The following SIL1 variants were observed in gnomAD, a reference collection of about 807,000 sequenced individuals.
The protein encoded by SIL1 is nucleotide exchange factor SIL1.
Under a neutral mutation model 49.1 loss-of-function variants are expected in SIL1, and 40 were observed. That is an observed-to-expected ratio of 0.81 (90% CI 0.63 to 1.06). SIL1 has a LOEUF of 1.06. SIL1 is among the 50% of genes least tolerant of loss of function. The pLI is 0.00. For synonymous variants in SIL1, 253 were observed against 250.8 expected, an observed-to-expected ratio of 1.01 and a Z score of -0.08; for missense variants, 500 against 572.6, an observed-to-expected ratio of 0.87 and a Z score of 1.29.
At chr5:139,158,287 A>C (rs988695726) in intron 1 of SIL1, among the ~76,000 whole-genome samples, 1 of 152,238 alleles carries the variant, frequency 6.6e-6, no homozygotes, top group Non-Finnish European at 1.5e-5. Flanking sequence ...TGTAAGCTAG[A>C]GAAGAACTAA....
chr5:139,045,194 A>C (rs1455536506), intron 4 of SIL1, among the ~76,000 whole-genome samples: 1 of 151,914 alleles, frequency 6.6e-6, no homozygotes, highest in African/African-American at 2.4e-5. Context: ...CTGTCTCTAC[A>C]AAAAAATTGA....
intron 1 of SIL1, among the ~76,000 whole-genome samples, chr5:139,180,388 A>AG (rs1751962181): frequency 6.6e-6 from 1 of 150,418 alleles, no homozygotes; most frequent in Non-Finnish European, 1.5e-5. Context: ...TCTCAAAAAA[A>AG]AAAAAAAAAA....
intron 1 of SIL1, among the ~76,000 whole-genome samples, chr5:139,151,601 G>T (rs1171817667): frequency 2.6e-5 from 4 of 152,158 alleles, no homozygotes; most frequent in Non-Finnish European, 4.4e-5. Flanking sequence ...ATCTAATTTG[G>T]CTTTCATTAG....
At chr5:139,026,548 A>T (rs1768653809) in intron 6 of SIL1, among the ~76,000 whole-genome samples, 1 of 152,226 alleles carries the variant, frequency 6.6e-6, no homozygotes, top group African/African-American at 2.4e-5. Flanking sequence ...GGTTGCAGTG[A>T]GCCGAGATCG....
chr5:139,090,962 A>G (rs898972329), intron 3 of SIL1, among the ~76,000 whole-genome samples: 1 of 152,214 alleles, frequency 6.6e-6, no homozygotes, highest in African/African-American at 2.4e-5. Flanking sequence ...CATACTGAAA[A>G]AGGTAAAAAT....
At chr5:139,037,898 AC>A (rs1318196693) in intron 5 of SIL1, among the ~76,000 whole-genome samples, 2 of 152,192 alleles carry the variant, frequency 1.3e-5, no homozygotes, top group Non-Finnish European at 2.9e-5. Flanking sequence ...TAAACAACAT[AC>A]ATTTATTTCT....
intron 5 of SIL1, chr5:139,034,343 T>C (rs1162343892): frequency 6.6e-6 from 1 of 152,076 alleles, no homozygotes; most frequent in Non-Finnish European, 1.5e-5. Flanking sequence ...GGTAATATTT[T>C]TATATGTTAG....
intron 3 of SIL1, among the ~76,000 whole-genome samples, chr5:139,055,611 T>TCCCTCTCC (rs1166509848): frequency 1.2e-4 from 8 of 66,202 alleles, no homozygotes; most frequent in East Asian, 3.0e-4. Context: ...CCTCTCCCTC[T>TCCCTCTCC]CCCTCTCCCC....
intron 3 of SIL1, among the ~76,000 whole-genome samples, chr5:139,112,496 G>A (rs1304054133): frequency 8.9e-6 from 1 of 112,292 alleles, no homozygotes; most frequent in African/African-American, 3.5e-5. Context: ...GCCCGGCCGC[G>A]ACCCCGTCTG....
chr5:138,997,791 T>C (rs140927619), intron 7 of SIL1, among the ~76,000 whole-genome samples: 1,917 of 152,306 alleles, frequency 0.013, 34 homozygotes, highest in African/African-American at 0.043. Context: ...ACTCCTGACC[T>C]CAAGTGATCC....
chr5:139,055,262 G>T (rs1015051542), intron 3 of SIL1, among the ~76,000 whole-genome samples: 2 of 152,084 alleles, frequency 1.3e-5, no homozygotes, highest in African/African-American at 4.8e-5. Context: ...CCTCATGCTT[G>T]AATTTTGACT....
intron 3 of SIL1, among the ~76,000 whole-genome samples, chr5:139,099,367 G>C (rs752690579): frequency 2.6e-5 from 4 of 152,086 alleles, no homozygotes; most frequent in Non-Finnish European, 5.9e-5. Context: ...AGAATAATTG[G>C]AAGTTCCTCA....
intron 7 of SIL1, chr5:139,012,545 T>C (rs1229759441): frequency 6.6e-6 from 1 of 152,172 alleles, no homozygotes; most frequent in African/African-American, 2.4e-5. Context: ...ACAATACCAT[T>C]TTCACACCAA....
chr5:139,105,591 T>C (rs1283565436), intron 3 of SIL1, among the ~76,000 whole-genome samples: 7 of 152,232 alleles, frequency 4.6e-5, no homozygotes, highest in Admixed American at 3.9e-4. Flanking sequence ...TTATATACCC[T>C]TAGAAAGCTC....
rs1251742878 is a variant in SIL1 at position 139,130,644 on chromosome 5, T to C, written c.-10-2791A>G. Among the ~76,000 whole-genome samples, 5 of 152,100 alleles carry C rather than the reference T, an allele frequency of 3.3e-5. No homozygotes were observed. The South Asian group carries it at 6.2e-4, about 19-fold the overall frequency. On this transcript the variant is annotated intron_variant, in intron 1 of 9. Coordinates refer to ENST00000394817, the MANE Select transcript of SIL1 (RefSeq NM_022464.5). ...ACTCCTAGGCATATCCCCCAAAGAA[T>C]TGAAAACAGGGACTCAAACAGATAT... is the stretch of plus-strand genomic sequence containing the variant.
intron 2 of SIL1, among the ~76,000 whole-genome samples, chr5:139,126,470 T>C (rs1234557105): frequency 6.6e-6 from 1 of 152,150 alleles, no homozygotes; most frequent in East Asian, 1.9e-4. Flanking sequence ...GAGGTACAAG[T>C]TGGGGAGGGG....
At chr5:139,067,066 G>A (rs1265514185) in intron 3 of SIL1, among the ~76,000 whole-genome samples, 1 of 152,164 alleles carries the variant, frequency 6.6e-6, no homozygotes, top group African/African-American at 2.4e-5. Context: ...GGTACATAGC[G>A]AATGTCCATT....
At chr5:139,162,618 A>C (rs1032168624) in intron 1 of SIL1, among the ~76,000 whole-genome samples, 5 of 152,244 alleles carry the variant, frequency 3.3e-5, no homozygotes, top group African/African-American at 1.2e-4. Context: ...TTTAAGGAAC[A>C]AAGCAGTAGG....
chr5:138,972,209 AC>A (rs1368807196), intron 7 of SIL1, among the ~76,000 whole-genome samples: 3 of 152,180 alleles, frequency 2.0e-5, no homozygotes, highest in Admixed American at 1.3e-4. Flanking sequence ...TTCACCAACA[AC>A]CTGGGGCCCG....
Sources: gnomAD v4.1 joint callset for allele counts (sites outside exome capture counted in the v4.1 genomes callset) on GRCh38, gnomAD v4.1.1 for gene constraint, MANE v1.5 for transcripts, NCBI Gene and HGNC (gene_info 2026-07-23, HGNC 2026-07-21) for gene names.